KDM4C: variants seen among roughly 807,000 people sequenced by gnomAD.
KDM4C encodes lysine demethylase 4C.
A neutral mutation model predicts 129.3 loss-of-function variants in KDM4C; 81 were observed. The ratio of observed to expected loss-of-function variants is 0.63; its 90% CI spans 0.52 to 0.75. KDM4C has a LOEUF of 0.75. Among genes scored for constraint, KDM4C ranks in the 30% least tolerant of loss-of-function variants. The pLI, the probability that KDM4C is intolerant of heterozygous loss-of-function variation, is 0.00. For missense variants in KDM4C, 1,457 were observed against 1,304.0 expected (o/e 1.12, Z -1.81); for synonymous variants, 573 against 456.1 (o/e 1.26, Z -3.26).
chr9:7,036,699 A>G (rs1027541249), intron 15 of KDM4C, among the ~76,000 whole-genome samples: 26 of 152,180 alleles, frequency 1.7e-4, no homozygotes, highest in Non-Finnish European at 1.8e-4. Flanking sequence ...CAGTTTGTAT[A>G]TTATGACTTT....
chr9:7,068,221 A>C (rs1832710045), intron 17 of KDM4C, among the ~76,000 whole-genome samples: 1 of 152,202 alleles, frequency 6.6e-6, no homozygotes, highest in Non-Finnish European at 1.5e-5. Flanking sequence ...CATATATGTG[A>C]ATCTGTTTTA....
At chr9:6,765,310 C>G (rs1309534772) in intron 1 of KDM4C, among the ~76,000 whole-genome samples, 3 of 151,956 alleles carry the variant, frequency 2.0e-5, no homozygotes, top group Non-Finnish European at 2.9e-5. Flanking sequence ...TGACTGATTT[C>G]TCCTCTCATT....
chr9:6,947,648 C>T (rs1827221828), intron 8 of KDM4C, among the ~76,000 whole-genome samples: 2 of 152,000 alleles, frequency 1.3e-5, no homozygotes, highest in Admixed American at 6.5e-5. Context: ...CCTCTAGGTC[C>T]TTGAATTTCA....
At chr9:6,877,446 C>T (rs903035994) in intron 5 of KDM4C, among the ~76,000 whole-genome samples, 14 of 151,888 alleles carry the variant, frequency 9.2e-5, no homozygotes, top group Admixed American at 2.0e-4. Flanking sequence ...ATGATCTGCC[C>T]GCCTCGACCT....
intron 18 of KDM4C, among the ~76,000 whole-genome samples, chr9:7,121,479 A>C (rs1839480251): frequency 6.6e-6 from 1 of 152,218 alleles, no homozygotes; most frequent in Non-Finnish European, 1.5e-5. Context: ...GCTAAGCCAC[A>C]GTCTAGGCCA....
At chr9:6,879,045 T>A (rs115964487) in intron 5 of KDM4C, among the ~76,000 whole-genome samples, 2,626 of 152,322 alleles carry the variant, frequency 0.017, 70 homozygotes, top group African/African-American at 0.059. Flanking sequence ...TCCAATTAAG[T>A]TTTGCATATG....
intron 15 of KDM4C, among the ~76,000 whole-genome samples, chr9:7,029,858 C>T (rs187798728): frequency 1.5e-3 from 221 of 152,210 alleles, no homozygotes; most frequent in African/African-American, 5.2e-3. Flanking sequence ...TCATGAGTTG[C>T]CTGGAATCTG....
chr9:6,811,215 G>A (rs1409998802), intron 3 of KDM4C, among the ~76,000 whole-genome samples: 3 of 152,048 alleles, frequency 2.0e-5, no homozygotes, highest in African/African-American at 4.8e-5. Context: ...GTGCAGTGGC[G>A]TGATCTCGGC....
At chr9:6,858,236 A>G (rs1840243060) in intron 5 of KDM4C, among the ~76,000 whole-genome samples, 1 of 148,810 alleles carries the variant, frequency 6.7e-6, no homozygotes. Context: ...TTATTTTGTT[A>G]TTAGCAATGT....
intron 2 of KDM4C, among the ~76,000 whole-genome samples, chr9:6,805,360 A>G (rs1456138631): frequency 6.6e-6 from 1 of 152,150 alleles, no homozygotes; most frequent in Non-Finnish European, 1.5e-5. Context: ...TGTTAATAGT[A>G]CCTACTCAAA....
At chr9:6,873,888 T>C (rs564597575) in intron 5 of KDM4C, among the ~76,000 whole-genome samples, 3 of 151,602 alleles carry the variant, frequency 2.0e-5, no homozygotes, top group Non-Finnish European at 4.4e-5. Flanking sequence ...CTTCTTTTTC[T>C]TGAACACTTA....
chr9:6,807,247 A>G (rs1443081505), intron 3 of KDM4C, among the ~76,000 whole-genome samples: 2 of 151,990 alleles, frequency 1.3e-5, no homozygotes, highest in Non-Finnish European at 2.9e-5. Flanking sequence ...ATAACCTCCC[A>G]GCCGCCTGCC....
chr9:6,927,712 T>C (rs1269942983), intron 8 of KDM4C, among the ~76,000 whole-genome samples: 2 of 152,176 alleles, frequency 1.3e-5, no homozygotes, highest in Non-Finnish European at 2.9e-5. Flanking sequence ...GTATCAACCC[T>C]CCACACAAGT....
chr9:7,055,580 C>G (rs952851819), intron 17 of KDM4C, among the ~76,000 whole-genome samples: 3 of 152,168 alleles, frequency 2.0e-5, no homozygotes, highest in African/African-American at 4.8e-5. Context: ...AGTGAACCTG[C>G]AAGCCAAAGA....
intron 5 of KDM4C, among the ~76,000 whole-genome samples, chr9:6,854,598 G>A (rs1027644654): frequency 2.6e-5 from 4 of 151,466 alleles, no homozygotes; most frequent in Non-Finnish European, 5.9e-5. Context: ...GGGAGATAAG[G>A]TGTAAGAGGA....
intron 1 of KDM4C, among the ~76,000 whole-genome samples, chr9:6,729,247 T>C (rs1817248381): frequency 1.0e-5 from 1 of 98,818 alleles, no homozygotes; most frequent in Non-Finnish European, 2.0e-5. Flanking sequence ...AAGAAATAAA[T>C]GGAAGAAACA....
At chr9:6,908,087 C>T (rs1036812484) in intron 8 of KDM4C, among the ~76,000 whole-genome samples, 11 of 152,002 alleles carry the variant, frequency 7.2e-5, no homozygotes, top group Non-Finnish European at 1.5e-4. Context: ...CATTTGTAAT[C>T]GGTATGTTTT....
chr9:6,876,755 C>G (rs1469981053), intron 5 of KDM4C, among the ~76,000 whole-genome samples: 1 of 152,068 alleles, frequency 6.6e-6, no homozygotes, highest in Non-Finnish European at 1.5e-5. Context: ...CAGGTGCTCA[C>G]CTTCTTACAG....
At chr9:6,887,463 T>C (rs1435419155) in intron 6 of KDM4C, among the ~76,000 whole-genome samples, 1 of 152,212 alleles carries the variant, frequency 6.6e-6, no homozygotes, top group African/African-American at 2.4e-5. Flanking sequence ...TAGCAATTAG[T>C]TTCAGATTAA....
Sources: allele counts gnomAD v4.1 joint callset (sites outside exome capture counted in the v4.1 genomes callset), GRCh38; gene constraint gnomAD v4.1.1; transcripts MANE v1.5; gene names NCBI Gene and HGNC (gene_info 2026-07-23, HGNC 2026-07-21).